The following TRIOBP variants were observed in gnomAD, a reference collection of about 807,000 sequenced individuals.
TRIOBP encodes TRIO and F-actin-binding protein.
Under a neutral mutation model 238.8 loss-of-function variants are expected in TRIOBP, and 169 were observed. The observed-to-expected ratio is 0.71, with a 90% CI of 0.62 to 0.80. TRIOBP has a LOEUF of 0.80. TRIOBP is among the 30% of genes least tolerant of loss of function. TRIOBP has a pLI of 0.00. For missense variants in TRIOBP, 2,838 were observed against 3,122.6 expected (o/e 0.91, Z 2.17); for synonymous variants, 1,150 against 1,274.4 (o/e 0.90, Z 2.08).
chr22:37,754,358 G>A (rs1442106420), intron 12 of TRIOBP, among the ~76,000 whole-genome samples: 1 of 148,786 alleles, frequency 6.7e-6, no homozygotes, highest in African/African-American at 2.5e-5. Context: ...AGGTTGCAGT[G>A]AGTGGAGATT....
chr22:37,723,292 A>G lies in TRIOBP; in HGVS notation c.736A>G (p.Met246Val), dbSNP rs1056596261. Residue 246 changes from methionine (M) to valine (V), a missense_variant, in exon 7 of 24, where the codon ATG becomes GTG. Physicochemically the swap from Met to Val is conservative, Grantham distance 21. Transcript: ENST00000644935. The stretch of plus-strand genomic sequence containing the variant: ...GTCAACACTGACCCAGGCTTCCTCC[A>G]TGACACCACACAGTGGACCTCGAAG... ...HRSTLTQASS[M>V]TPHSGPRSTT... The G allele has an allele frequency of 5.0e-6, 8 of 1,613,992 alleles. No individual in the cohort carries two copies. Among genetic ancestry groups the G allele is most frequent in the African/African-American group, 2.7e-5 (2 of 74,898 alleles).
At chr22:37,749,247 T>C (rs1925443851) in intron 11 of TRIOBP, among the ~76,000 whole-genome samples, 1 of 152,038 alleles carries the variant, frequency 6.6e-6, no homozygotes, top group Admixed American at 6.6e-5. Flanking sequence ...CTCAGGTATT[T>C]GGGAGGCTGA....
At chr22:37,740,083 G>A (rs1924863256) in intron 10 of TRIOBP, among the ~76,000 whole-genome samples, 1 of 152,212 alleles carries the variant, frequency 6.6e-6, no homozygotes, top group Non-Finnish European at 1.5e-5. Flanking sequence ...CATGCCTGTG[G>A]TCAGGACTGT....
Position 37,743,007 on chromosome 22 carries a change from C to T in TRIOBP, c.5322+1975C>T, listed in dbSNP as rs1685723933. ...ACCCTGCTCTGGCTGACCTCAGAGC[C>T]CAGTGCTTCCAACACGCCCCCTACA... On this transcript the variant is annotated intron_variant, in intron 11 of 23. Coordinates refer to ENST00000644935, the MANE Select transcript of TRIOBP (RefSeq NM_001039141.3). Among the ~76,000 whole-genome samples, 3 of 152,108 alleles carry T rather than the reference C, an allele frequency of 2.0e-5. No homozygotes were observed. The South Asian group carries it at 6.2e-4, about 32-fold the overall frequency.
chr22:37,768,545 G>T (rs774394594), intron 19 of TRIOBP, among the ~76,000 whole-genome samples: 1 of 152,174 alleles, frequency 6.6e-6, no homozygotes. Flanking sequence ...CTCCAGCCGG[G>T]CACATTGGCT....
chr22:37,724,790 G>A lies in TRIOBP; in HGVS notation c.2234G>A (p.Arg745Lys), dbSNP rs150690007. Residue 745 changes from arginine to lysine, a missense_variant, in exon 7 of 24, where the codon AGA (arginine) becomes AAA (lysine). This residue lies in a region of TRIOBP where 167 missense variants were observed against 200.2 expected (regional missense o/e 0.83). Transcript: ENST00000644935. ...AGAACCATCCAGCGAGACAACCCCA[G>A]AACATCCTGTGCCCAGCGGGACAAT... Reference protein sequence around the residue: ...RNRTIQRDNPRTSCAQRDNPR... With the variant: ...RNRTIQRDNPKTSCAQRDNPR... 8.3e-3 allele frequency: 13,304 copies of A among 1,609,338 alleles called. 70 individuals carry two copies. The highest frequency in any genetic ancestry group is 9.8e-3 in the Non-Finnish European group (11,601 of 1,178,524).
chr22:37,746,149 C>A, intron 11 of TRIOBP: 6 of 1,020,542 alleles, frequency 5.9e-6, no homozygotes, highest in Non-Finnish European at 7.0e-6. Context: ...CCGCCGCGGC[C>A]CCCGCCGCTG....
At chr22:37,756,077 C>T (rs1170899061) in intron 15 of TRIOBP, among the ~76,000 whole-genome samples, 1 of 152,202 alleles carries the variant, frequency 6.6e-6, no homozygotes, top group South Asian at 2.1e-4. Flanking sequence ...GCTGAGTTAC[C>T]GAGTGGCAGA....
intron 21 of TRIOBP, among the ~76,000 whole-genome samples, chr22:37,770,693 T>C (rs1926732034): frequency 6.8e-6 from 1 of 148,034 alleles, no homozygotes; most frequent in Admixed American, 6.7e-5. Context: ...TTATTTCTCT[T>C]TTTTTTTTTG....
At chr22:37,752,138 A>G (rs1187151290) in intron 12 of TRIOBP, among the ~76,000 whole-genome samples, 1 of 151,608 alleles carries the variant, frequency 6.6e-6, no homozygotes, top group Non-Finnish European at 1.5e-5. Context: ...AAGGGCTCGT[A>G]GAAGCTGTCT....
In TRIOBP at chr22:37,746,087, C is replaced by G. The variant is rs867176063; in HGVS notation, c.5322+5055C>G. The G allele has an allele frequency of 2.2e-3, 1,516 of 676,122 alleles. 22 individuals are homozygous for G. In the African/African-American group the frequency reaches 0.027, roughly 12 times the overall value. 41.9% of individuals were successfully genotyped at this position (676,122 alleles called of 1,614,324 possible). ...CCGCCGCCCCGCCGCCCTAGCGCGC[C>G]CGTCCCGTTGCGGCAGGTCCCGCCC... On this transcript the variant is annotated intron_variant, in intron 11 of 23. Transcript: ENST00000644935.
In TRIOBP at chr22:37,723,596, G is replaced by A. The variant is rs745311623; in HGVS notation, c.1040G>A (p.Arg347Gln). The A allele has an allele frequency of 1.2e-5, 20 of 1,614,000 alleles. No homozygotes were observed. Among genetic ancestry groups the A allele is most frequent in the South Asian group, 3.3e-5 (3 of 91,082 alleles). Residue 347 changes from arginine to glutamine, a missense_variant, in exon 7 of 24, where the codon CGA becomes CAA. Transcript: ENST00000644935. ...ACCCCCAGAGCTTCCTCTCCCTCAC[G>A]AAGCACCCAACTGGATAACCCCAGA... is the stretch of plus-strand genomic sequence containing the variant. Reference protein sequence around the residue: ...WNTPRASSPSRSTQLDNPRTS... With the variant: ...WNTPRASSPSQSTQLDNPRTS...
intron 7 of TRIOBP, 96 bp downstream of exon 7, chr22:37,726,599 C>T (rs974668466): frequency 6.3e-6 from 8 of 1,263,488 alleles, no homozygotes; most frequent in African/African-American, 1.5e-5. Context: ...GTGTTCAAAT[C>T]CCCCTGGCTT....
At chr22:37,772,409 G>A (rs147096810) in intron 22 of TRIOBP, among the ~76,000 whole-genome samples, 192 bp from the exon 23 acceptor site, 2 of 152,292 alleles carry the variant, frequency 1.3e-5, no homozygotes, top group East Asian at 1.9e-4. Flanking sequence ...TGACAATGAC[G>A]CCTGTGTCCC....
chr22:37,768,997 T>C (rs754384014), intron 19 of TRIOBP, 31 bp from the exon 20 acceptor site: 97 of 1,612,568 alleles, frequency 6.0e-5, no homozygotes, highest in Non-Finnish European at 7.5e-5. Context: ...CAAGACAACC[T>C]ATGCTCTCCT....
At position 37,725,006 on chromosome 22, in the gene TRIOBP, C is replaced by G. The variant is rs41302575; in HGVS notation, c.2450C>G (p.Thr817Ser). The G allele has an allele frequency of 0.048, 77,248 of 1,614,102 alleles. 2,194 individuals are homozygous for G. The highest frequency in any genetic ancestry group is 0.089 in the South Asian group (8,076 of 91,082). ...GCCACCCAACAGGACAACCCCAGAACTTGTATTCAACAGAACATCCCCAGA... is the reference window on the plus strand; with the variant it reads ...GCCACCCAACAGGACAACCCCAGAAGTTGTATTCAACAGAACATCCCCAGA... ...IRATQQDNPR[T>S]CIQQNIPRSS... The change falls in exon 7 of 24, where the codon ACT (threonine) becomes AGT (serine). Residue 817 changes from threonine (T) to serine (S), a missense_variant. Physicochemically the swap from Thr to Ser is moderately conservative, Grantham distance 58 (BLOSUM62 1). Coordinates refer to ENST00000644935, the MANE Select transcript of TRIOBP (RefSeq NM_001039141.3).
At chr22:37,708,868 C>G (rs1923088709) in intron 3 of TRIOBP, among the ~76,000 whole-genome samples, 1 of 152,172 alleles carries the variant, frequency 6.6e-6, no homozygotes, top group Admixed American at 6.5e-5. Context: ...CCGTGGGGCC[C>G]ACTCAAGTGG....
intron 7 of TRIOBP, among the ~76,000 whole-genome samples, chr22:37,731,339 A>C (rs1404726756): frequency 6.6e-6 from 1 of 151,814 alleles, no homozygotes; most frequent in Admixed American, 6.6e-5. Flanking sequence ...ACAAGGTCTC[A>C]TTCTGTTGCC....
At chr22:37,751,467 C>T in intron 11 of TRIOBP, 1 of 468,174 alleles carries the variant, frequency 2.1e-6, no homozygotes, top group Non-Finnish European at 4.0e-6. Flanking sequence ...GCCCCTCTCT[C>T]CCATTCTTGG....
Sources: gnomAD v4.1 joint callset for allele counts (sites outside exome capture counted in the v4.1 genomes callset) on GRCh38, gnomAD v4.1.1 for gene constraint, gnomAD v4.1.1 regional missense constraint, MANE v1.5 for transcripts, NCBI Gene and HGNC (gene_info 2026-07-23, HGNC 2026-07-21) for gene names.